GALNT17: variants seen among roughly 807,000 people sequenced by gnomAD.
GALNT17 encodes polypeptide N-acetylgalactosaminyltransferase 17, also known as UDP-GalNAc:polypeptide N-acetylgalactosaminyltransferase-like 3.
In GALNT17, 29 loss-of-function variants were observed where a neutral mutation model predicts 63.7. That is an observed-to-expected ratio of 0.46 (90% CI 0.34 to 0.62). GALNT17 has a LOEUF of 0.62. Ranked by LOEUF, GALNT17 falls within the 20% of genes least tolerant of loss-of-function variation. The probability of loss-of-function intolerance (pLI) is 0.01; values close to 1 mark genes in which losing one functional copy is unlikely to be tolerated. For missense variants in GALNT17, 603 were observed against 799.6 expected (o/e 0.75, Z 2.97); for synonymous variants, 305 against 318.3 (o/e 0.96, Z 0.45).
At chr7:71,682,739 T>C (rs1252918101) in intron 9 of GALNT17, among the ~76,000 whole-genome samples, 1 of 152,022 alleles carries the variant, frequency 6.6e-6, no homozygotes, top group Non-Finnish European at 1.5e-5. Flanking sequence ...TTTGTAGAAA[T>C]AGGGGTCTCC....
chr7:71,594,092 A>G (rs771124019), intron 6 of GALNT17, among the ~76,000 whole-genome samples: 1 of 151,930 alleles, frequency 6.6e-6, no homozygotes, highest in Non-Finnish European at 1.5e-5. Flanking sequence ...CCAGAAAATC[A>G]GCCATCTCTT....
intron 1 of GALNT17, among the ~76,000 whole-genome samples, chr7:71,233,724 G>T (rs1341966312): frequency 7.0e-6 from 1 of 143,170 alleles, no homozygotes; most frequent in African/African-American, 2.8e-5. Context: ...CTCTGGTTCT[G>T]TGCTGACCCA....
intron 5 of GALNT17, among the ~76,000 whole-genome samples, chr7:71,523,289 C>T (rs575882405): frequency 1.8e-4 from 27 of 152,138 alleles, no homozygotes; most frequent in Admixed American, 1.3e-3. Flanking sequence ...TTTAGTCAGG[C>T]GTGGTGGCGC....
At chr7:71,612,933 C>G (rs1235162933) in intron 6 of GALNT17, among the ~76,000 whole-genome samples, 1 of 152,130 alleles carries the variant, frequency 6.6e-6, no homozygotes, top group African/African-American at 2.4e-5. Context: ...GTTTTCTGAG[C>G]CAGCCAAGAT....
intron 2 of GALNT17, among the ~76,000 whole-genome samples, chr7:71,384,735 C>G (rs986719051): frequency 6.6e-6 from 1 of 152,152 alleles, no homozygotes; most frequent in African/African-American, 2.4e-5. Context: ...ACTGTGTAAT[C>G]TCTAAAGCTT....
At chr7:71,594,927 G>A (rs1470759802) in intron 6 of GALNT17, among the ~76,000 whole-genome samples, 1 of 152,182 alleles carries the variant, frequency 6.6e-6, no homozygotes, top group Non-Finnish European at 1.5e-5. Flanking sequence ...GGGACATAGA[G>A]ACTCTGCAGA....
chr7:71,163,552 T>C (rs1474547121), intron 1 of GALNT17, among the ~76,000 whole-genome samples: 1 of 152,230 alleles, frequency 6.6e-6, no homozygotes, highest in African/African-American at 2.4e-5. Context: ...TTTGGAGTCA[T>C]AGTTACTTCT....
chr7:71,653,919 C>A (rs1790789999), intron 6 of GALNT17, among the ~76,000 whole-genome samples: 1 of 152,202 alleles, frequency 6.6e-6, no homozygotes, highest in Non-Finnish European at 1.5e-5. Context: ...TCCACAGTTC[C>A]CCCTTATCTG....
chr7:71,408,124 C>T (rs528855873), intron 3 of GALNT17, among the ~76,000 whole-genome samples: 11 of 152,224 alleles, frequency 7.2e-5, no homozygotes, highest in South Asian at 2.1e-4. Context: ...TGCGTGAGAA[C>T]GACCTGGGGG....
At chr7:71,544,359 G>T (rs1788946372) in intron 5 of GALNT17, among the ~76,000 whole-genome samples, 1 of 147,888 alleles carries the variant, frequency 6.8e-6, no homozygotes, top group South Asian at 2.1e-4. Context: ...AGCCAGGATG[G>T]TCTCAATCTC....
At chr7:71,627,856 A>G in intron 6 of GALNT17, among the ~76,000 whole-genome samples, 1 of 152,100 alleles carries the variant, frequency 6.6e-6, no homozygotes, top group East Asian at 1.9e-4. Context: ...AGCTCTCCTA[A>G]GACCATAACA....
intron 5 of GALNT17, among the ~76,000 whole-genome samples, chr7:71,552,843 G>A (rs968263651): frequency 4.6e-5 from 7 of 152,140 alleles, no homozygotes; most frequent in East Asian, 1.9e-4. Context: ...CCCAACTCTC[G>A]GCTTTCTGGC....
intron 5 of GALNT17, among the ~76,000 whole-genome samples, chr7:71,457,689 A>G (rs1454404679): frequency 6.6e-6 from 1 of 152,140 alleles, no homozygotes; most frequent in Non-Finnish European, 1.5e-5. Flanking sequence ...AGCGGTGAAA[A>G]TGACCAGAGG....
At chr7:71,582,474 G>A (rs542805960) in intron 6 of GALNT17, among the ~76,000 whole-genome samples, 15 of 151,718 alleles carry the variant, frequency 9.9e-5, no homozygotes, top group East Asian at 7.8e-4. Context: ...CCAGCTACTC[G>A]GGAGGCTGAG....
At chr7:71,413,630 T>C (rs1793470579) in intron 3 of GALNT17, among the ~76,000 whole-genome samples, 1 of 152,000 alleles carries the variant, frequency 6.6e-6, no homozygotes, top group African/African-American at 2.4e-5. Flanking sequence ...TGCCTTGGCC[T>C]CCCAAAGTGC....
At chr7:71,655,836 G>A (rs1293238503) in intron 6 of GALNT17, among the ~76,000 whole-genome samples, 1 of 152,124 alleles carries the variant, frequency 6.6e-6, no homozygotes, top group Non-Finnish European at 1.5e-5. Context: ...GGGTGGTTCT[G>A]GGTTTGTGGG....
chr7:71,161,870 C>T (rs962966136), intron 1 of GALNT17, among the ~76,000 whole-genome samples: 4 of 152,066 alleles, frequency 2.6e-5, no homozygotes, highest in Admixed American at 6.6e-5. Context: ...GTATCTGTAC[C>T]GAATCATTGC....
chr7:71,701,959 T>TA (rs1178912027), intron 9 of GALNT17, among the ~76,000 whole-genome samples: 1 of 147,706 alleles, frequency 6.8e-6, no homozygotes, highest in Non-Finnish European at 1.5e-5. Flanking sequence ...TATGCAACCA[T>TA]AAAAAAGAAT....
intron 5 of GALNT17, among the ~76,000 whole-genome samples, chr7:71,565,893 G>C (rs1789335513): frequency 6.7e-6 from 1 of 149,302 alleles, no homozygotes; most frequent in African/African-American, 2.5e-5. Context: ...CCCCAGGTTG[G>C]AGTGCAGTGG....
Sources: gnomAD v4.1 joint callset for allele counts (sites outside exome capture counted in the v4.1 genomes callset) on GRCh38, gnomAD v4.1.1 for gene constraint, MANE v1.5 for transcripts, NCBI Gene and HGNC (gene_info 2026-07-23, HGNC 2026-07-21) for gene names.